KCNK10: variants seen among roughly 807,000 people sequenced by gnomAD.
KCNK10 encodes potassium channel subfamily K member 10.
A neutral mutation model predicts 47.7 loss-of-function variants in KCNK10; 25 were observed. The ratio of observed to expected loss-of-function variants is 0.52; its 90% CI spans 0.38 to 0.73. The LOEUF (loss-of-function observed/expected upper bound fraction) is 0.73, where lower values mean the gene tolerates loss of function less well. KCNK10 is among the 30% of genes least tolerant of loss of function. The pLI is 0.00. For missense variants in KCNK10, 563 were observed against 714.5 expected (o/e 0.79, Z 2.42); for synonymous variants, 303 against 285.6 (o/e 1.06, Z -0.61).
chr14:88,220,615 A>AC (rs397970868), intron 4 of KCNK10, among the ~76,000 whole-genome samples: 1 of 150,624 alleles, frequency 6.6e-6, no homozygotes, highest in African/African-American at 2.5e-5. Flanking sequence ...AAAAAAAAAA[A>AC]GGTCTTTTCA....
At chr14:88,301,530 A>G (rs1888099070) in intron 1 of KCNK10, among the ~76,000 whole-genome samples, 1 of 152,000 alleles carries the variant, frequency 6.6e-6, no homozygotes, top group Non-Finnish European at 1.5e-5. Context: ...GCTACAACAG[A>G]GGGTGCCCAG....
At chr14:88,264,028 C>T (rs1887190618) in intron 1 of KCNK10, among the ~76,000 whole-genome samples, 1 of 152,112 alleles carries the variant, frequency 6.6e-6, no homozygotes, top group Admixed American at 6.5e-5. Context: ...AGATGAATGT[C>T]TAGAGACTTA....
At chr14:88,326,190 C>CCCCCCCCG (rs79450402), upstream of KCNK10, among the ~76,000 whole-genome samples, 2 of 134,158 alleles carry the variant, frequency 1.5e-5, no homozygotes, top group East Asian at 2.2e-4. Context: ...CGCCCCCCCC[C>CCCCCCCCG]AAAAAAAAAT....
chr14:88,188,170 A>G, intron 5 of KCNK10, 61 bp from the exon 6 acceptor site: 1 of 1,556,886 alleles, frequency 6.4e-7, no homozygotes, highest in South Asian at 1.1e-5. Context: ...CAGAGAACAC[A>G]TATTCCATTC....
At chr14:88,206,556 G>T (rs562884795) in intron 4 of KCNK10, among the ~76,000 whole-genome samples, 2 of 152,324 alleles carry the variant, frequency 1.3e-5, no homozygotes, top group African/African-American at 4.8e-5. Flanking sequence ...ACCTTGCTGA[G>T]AGTTGTTCTC....
intron 3 of KCNK10, among the ~76,000 whole-genome samples, chr14:88,229,699 C>CGT (rs998693474): frequency 6.6e-6 from 1 of 152,096 alleles, no homozygotes; most frequent in Non-Finnish European, 1.5e-5. Flanking sequence ...CATGCATGGG[C>CGT]GTGTGTGTGA....
Position 88,231,124 on chromosome 14 carries a change from T to G in KCNK10, c.521-3589A>C, listed in dbSNP as rs550467236. ...CCCTTGTCTCTACAAAAAAAAAATTTTTTTAATTAGCCCGGCATGGTGGTG... is the reference window on the plus strand; with the variant it reads ...CCCTTGTCTCTACAAAAAAAAAATTGTTTTAATTAGCCCGGCATGGTGGTG... On this transcript the variant is annotated intron_variant, in intron 3 of 6. Coordinates refer to ENST00000319231, the MANE Select transcript of KCNK10 (RefSeq NM_138317.3). Among the ~76,000 whole-genome samples the G allele has an allele frequency of 5.1e-3, 774 of 151,954 alleles. 7 individuals are homozygous for G. The highest frequency in any genetic ancestry group is 0.018 in the African/African-American group (745 of 41,384).
At chr14:88,219,886 C>T (rs548876205) in intron 4 of KCNK10, among the ~76,000 whole-genome samples, 1 of 152,162 alleles carries the variant, frequency 6.6e-6, no homozygotes, top group Non-Finnish European at 1.5e-5. Flanking sequence ...GTTGAGGGAC[C>T]AAACTTTGAG....
At position 88,206,937 on chromosome 14, in the gene KCNK10, C is replaced by T. The variant is rs537880652; in HGVS notation, c.682-14527G>A. ...CCACTGGGTGAAGGTAAATTGTATA[C>T]TGTATTTAAGAAGATTGACTTGATA... is the stretch of plus-strand genomic sequence containing the variant. On this transcript the variant is annotated intron_variant, in intron 4 of 6. Coordinates refer to ENST00000319231, the MANE Select transcript of KCNK10 (RefSeq NM_138317.3). Among the ~76,000 whole-genome samples the T allele has an allele frequency of 3.6e-4, 55 of 152,262 alleles. No homozygotes were observed. The South Asian group carries it at 0.011, about 31-fold the overall frequency.
chr14:88,252,028 G>A (rs980939925), intron 2 of KCNK10, among the ~76,000 whole-genome samples: 12 of 152,036 alleles, frequency 7.9e-5, no homozygotes, highest in Non-Finnish European at 1.3e-4. Flanking sequence ...ATAAGGTTTG[G>A]CTCTCCCACT....
intron 4 of KCNK10, among the ~76,000 whole-genome samples, chr14:88,194,687 A>G (rs146979206): frequency 5.4e-4 from 83 of 152,306 alleles, no homozygotes; most frequent in African/African-American, 1.9e-3. Context: ...GGAGGTGTAT[A>G]ACAAAGGCTA....
Position 88,220,416 on chromosome 14 carries a change from C to CAAAAAAAAA in KCNK10, c.681+6950_681+6958dup, listed in dbSNP as rs58562095. 5.6e-4 allele frequency among the ~76,000 whole-genome samples: 17 copies of CAAAAAAAAA among 30,156 alleles called. 1 individual carries two copies. The highest frequency in any genetic ancestry group is 7.4e-4 in the African/African-American group (5 of 6,770). 19.8% of individuals were successfully genotyped at this position (30,156 alleles called of 152,430 possible). On this transcript the variant is annotated intron_variant, in intron 4 of 6. Coordinates refer to ENST00000319231, the MANE Select transcript of KCNK10 (RefSeq NM_138317.3). ...TGGGCGACAGAGCGAGACTCCGTCTCAAAAAAAAAAAAAAAAAAAAAAAAA... is the reference window on the plus strand; with the variant it reads ...TGGGCGACAGAGCGAGACTCCGTCTCAAAAAAAAAAAAAAAAAAAAAAAAAAAAAAAAAA...
At chr14:88,208,314 C>T (rs1885346993) in intron 4 of KCNK10, among the ~76,000 whole-genome samples, 1 of 152,230 alleles carries the variant, frequency 6.6e-6, no homozygotes, top group African/African-American at 2.4e-5. Flanking sequence ...AACTCTTAAA[C>T]TCTTCCAATA....
chr14:88,267,234 A>T (rs1887283980), intron 1 of KCNK10, among the ~76,000 whole-genome samples: 1 of 152,222 alleles, frequency 6.6e-6, no homozygotes, highest in Non-Finnish European at 1.5e-5. Flanking sequence ...ACCGGCACAG[A>T]TCTCAGAATG....
At chr14:88,195,658 C>A (rs943542620) in intron 4 of KCNK10, among the ~76,000 whole-genome samples, 1 of 152,074 alleles carries the variant, frequency 6.6e-6, no homozygotes, top group African/African-American at 2.4e-5. Flanking sequence ...AGCTCACAAT[C>A]TTGGAAGCTT....
At chr14:88,268,408 C>G (rs1887327505) in intron 1 of KCNK10, among the ~76,000 whole-genome samples, 2 of 152,212 alleles carry the variant, frequency 1.3e-5, no homozygotes, top group South Asian at 4.1e-4. Context: ...TCATGCCCAA[C>G]ACAGCCCCAC....
At chr14:88,212,109 A>AATATACATATATATATAT (rs1885476528) in intron 4 of KCNK10, among the ~76,000 whole-genome samples, 1 of 133,334 alleles carries the variant, frequency 7.5e-6, no homozygotes, top group Non-Finnish European at 1.6e-5. Flanking sequence ...TGATAGTGAG[A>AATATACATATATATATAT]ATATATATAT....
intron 1 of KCNK10, among the ~76,000 whole-genome samples, chr14:88,274,566 A>AAAAAAAAAAAAAAAAAAT (rs55899872): frequency 0.018 from 2,495 of 139,444 alleles, 351 homozygotes; most frequent in African/African-American, 0.075. Flanking sequence ...AAAAAAAAAA[A>AAAAAAAAAAAAAAAAAAT]GATCTTATGG....
At chr14:88,232,920 A>G (rs1332826663) in intron 3 of KCNK10, among the ~76,000 whole-genome samples, 1 of 152,206 alleles carries the variant, frequency 6.6e-6, no homozygotes, top group African/African-American at 2.4e-5. Flanking sequence ...GGATGTGTGC[A>G]CATGAACAAA....
Sources: gnomAD v4.1 joint callset for allele counts (sites outside exome capture counted in the v4.1 genomes callset) on GRCh38, gnomAD v4.1.1 for gene constraint, MANE v1.5 for transcripts, NCBI Gene and HGNC (gene_info 2026-07-23, HGNC 2026-07-21) for gene names.